The following ATP2C2 variants were observed in gnomAD, a reference collection of about 807,000 sequenced individuals.
The protein encoded by ATP2C2 is calcium-transporting ATPase type 2C member 2.
In ATP2C2, 171 loss-of-function variants were observed where a neutral mutation model predicts 110.8. The observed-to-expected ratio is 1.54, with a 90% confidence interval of 1.36 to 1.75. The LOEUF is 1.75. ATP2C2 is among the 40% of genes most tolerant of loss of function. ATP2C2 has a pLI of 0.00. For synonymous variants in ATP2C2, 804 were observed against 508.4 expected (o/e 1.58, Z -7.82); for missense variants, 1,963 against 1,235.0 (o/e 1.59, Z -8.84).
In ATP2C2 at chr16:84,395,241, A is replaced by G. The variant is rs969871484; in HGVS notation, c.100-3258A>G. On this transcript the variant is annotated intron_variant, in intron 1 of 26. Transcript: ENST00000262429. Reference sequence around the variant, plus strand: ...GACTCTGCCCCTGCAGTCACAAAACACAGGGGAGTGAGGGAGGTCTCTGCA... The same window carrying G: ...GACTCTGCCCCTGCAGTCACAAAACGCAGGGGAGTGAGGGAGGTCTCTGCA... Among the ~76,000 whole-genome samples, 51 of 151,930 alleles carry G rather than the reference A, an allele frequency of 3.4e-4. 1 individual carries two copies. Among genetic ancestry groups the G allele is most frequent in the African/African-American group, 1.2e-3 (48 of 41,246 alleles).
At chr16:84,380,601 G>A (rs984717779) in intron 1 of ATP2C2, among the ~76,000 whole-genome samples, 2 of 152,158 alleles carry the variant, frequency 1.3e-5, no homozygotes, top group Admixed American at 6.5e-5. Flanking sequence ...TTCTGCGCAA[G>A]TCTAGAGAGG....
rs865800559 is a variant in ATP2C2 at position 84,427,712 on chromosome 16, G to C, written c.986+1911G>C. 2.0e-4 allele frequency among the ~76,000 whole-genome samples: 30 copies of C among 152,066 alleles called. 1 individual carries two copies. Among genetic ancestry groups the C allele is most frequent in the African/African-American group, 7.0e-4 (29 of 41,416 alleles). ...AGCCTGGGTGACAGAGCAAGAGACT[G>C]TCTGAAAAAAGAAACAAACCAAAAC... On this transcript the variant is annotated intron_variant, in intron 11 of 26. Coordinates refer to ENST00000262429, the MANE Select transcript of ATP2C2 (RefSeq NM_014861.4).
In ATP2C2 at chr16:84,439,197, C is replaced by T. The variant is rs1370162875; in HGVS notation, c.1018C>T (p.Pro340Ser). ...LAVAAIPEGL[P>S]IVVMVTLVLG... The stretch of plus-strand genomic sequence containing the variant: ...TGTGGCGGCCATTCCAGAGGGTCTG[C>T]CCATCGTCGTCATGGTGACGCTGGT... Residue 340 changes from proline (P) to serine (S), a missense_variant, in exon 12 of 27, where the codon CCC (proline) becomes TCC (serine). Pro to Ser is a moderately conservative substitution (Grantham distance 74). Transcript: ENST00000262429. The T allele has an allele frequency of 1.3e-5, 21 of 1,612,122 alleles. No homozygotes were observed. The highest frequency in any genetic ancestry group is 1.7e-5 in the Non-Finnish European group (20 of 1,180,040).
chr16:84,428,393 A>C (rs925376030), intron 11 of ATP2C2, among the ~76,000 whole-genome samples: 1 of 152,268 alleles, frequency 6.6e-6, no homozygotes, highest in Non-Finnish European at 1.5e-5. Context: ...TGGTAAAATC[A>C]ACATGTGGGC....
intron 23 of ATP2C2, chr16:84,460,262 G>C (rs1158009095): frequency 3.4e-6 from 1 of 293,438 alleles, no homozygotes; most frequent in East Asian, 9.1e-5. Context: ...CTGCTGTGTG[G>C]AGTTGGCTGG....
chr16:84,453,108 A>G, intron 18 of ATP2C2, 30 bp from the exon 19 acceptor site: 1 of 1,577,224 alleles, frequency 6.3e-7, no homozygotes, highest in Non-Finnish European at 8.6e-7. Flanking sequence ...CGGGCCTCAG[A>G]GCAGGCCCTC....
At chr16:84,408,062 A>T (rs1905932756) in intron 3 of ATP2C2, among the ~76,000 whole-genome samples, 2 of 152,204 alleles carry the variant, frequency 1.3e-5, no homozygotes, top group Admixed American at 1.3e-4. Flanking sequence ...GTGGTGAGAG[A>T]GGATCCTTGG....
intron 21 of ATP2C2, among the ~76,000 whole-genome samples, chr16:84,456,306 G>T (rs1434999931): frequency 5.9e-5 from 9 of 151,590 alleles, no homozygotes; most frequent in Non-Finnish European, 5.9e-5. Flanking sequence ...CAATTTCAGA[G>T]CCTGTTATTG....
chr16:84,397,487 C>A (rs938631532), intron 1 of ATP2C2, among the ~76,000 whole-genome samples: 3 of 151,160 alleles, frequency 2.0e-5, no homozygotes, highest in Non-Finnish European at 4.4e-5. Flanking sequence ...TCAGCCTGGG[C>A]AACATAGGGA....
At chr16:84,440,219 A>G (rs1034596785) in intron 13 of ATP2C2, among the ~76,000 whole-genome samples, 1 of 152,172 alleles carries the variant, frequency 6.6e-6, no homozygotes, top group Non-Finnish European at 1.5e-5. Context: ...TGCAGCCTCT[A>G]ACTTCTGGGC....
At chr16:84,456,250 T>A (rs1449879930) in intron 21 of ATP2C2, among the ~76,000 whole-genome samples, 1 of 134,302 alleles carries the variant, frequency 7.4e-6, no homozygotes, top group Non-Finnish European at 1.6e-5. Context: ...TGTGAATCCA[T>A]CTGGTCCTGG....
chr16:84,421,444 G>A (rs1907330288), intron 7 of ATP2C2, among the ~76,000 whole-genome samples: 1 of 152,158 alleles, frequency 6.6e-6, no homozygotes, highest in Admixed American at 6.5e-5. Context: ...AGAAGTCGCA[G>A]GTCCCTGTTT....
intron 11 of ATP2C2, among the ~76,000 whole-genome samples, chr16:84,429,579 T>C (rs1908086331): frequency 6.6e-6 from 1 of 151,824 alleles, no homozygotes; most frequent in African/African-American, 2.4e-5. Context: ...TTGGGGGAGG[T>C]TGTGAACAAG....
At chr16:84,424,018 A>G (rs1184554122) in intron 10 of ATP2C2, among the ~76,000 whole-genome samples, 1 of 152,104 alleles carries the variant, frequency 6.6e-6, no homozygotes, top group Admixed American at 6.5e-5. Context: ...CCTTTATTCC[A>G]GCCTTTAGGA....
chr16:84,452,226 G>A (rs964991070), intron 18 of ATP2C2, 135 bp downstream of exon 18: 71 of 1,100,840 alleles, frequency 6.4e-5, no homozygotes, highest in South Asian at 8.1e-5. Context: ...TAGAAAAGAC[G>A]CTGAGTATTC....
At chr16:84,391,351 C>T (rs1316797333) in intron 1 of ATP2C2, among the ~76,000 whole-genome samples, 2 of 152,214 alleles carry the variant, frequency 1.3e-5, no homozygotes, top group African/African-American at 4.8e-5. Flanking sequence ...TCTCTCGCAT[C>T]TTCTGTGGAC....
chr16:84,432,301 A>G (rs540419488), intron 11 of ATP2C2, among the ~76,000 whole-genome samples: 6 of 151,974 alleles, frequency 3.9e-5, no homozygotes, highest in South Asian at 2.1e-4. Flanking sequence ...AAGTTCTAGG[A>G]TACATGTGCA....
rs1163737555 is a variant in ATP2C2, at chr16:84,422,451, C to T, written c.686C>T (p.Thr229Ile). 4 of 1,613,668 alleles carry T rather than the reference C, an allele frequency of 2.5e-6. No homozygotes were observed. The South Asian group carries it at 3.3e-5, about 13-fold the overall frequency. The change falls in exon 8 of 27, where the codon ACA (threonine) becomes ATA (isoleucine). Residue 229 changes from threonine (T) to isoleucine (I), a missense_variant. By Grantham distance (89) the Thr-to-Ile change is moderately conservative. Coordinates refer to ENST00000262429, the MANE Select transcript of ATP2C2 (RefSeq NM_014861.4). ...GGGGAAGCCGAGCCATGTAGTAAAA[C>T]AGACAGCCCCTTGACAGGCGGTGGG... ...FTGEAEPCSK[T>I]DSPLTGGGDL...
Position 84,404,179 on chromosome 16 carries a change from T to C in ATP2C2, c.211-949T>C, listed in dbSNP as rs1292122137. 2.6e-5 allele frequency among the ~76,000 whole-genome samples: 4 copies of C among 152,240 alleles called. No individual in the cohort carries two copies. The East Asian group carries it at 7.7e-4, about 29-fold the overall frequency. ...ACTCACTGAATCCTATCTTTGGGTT[T>C]TTAGGGAAGCTTCATGACATCATTC... is the stretch of plus-strand genomic sequence containing the variant. On this transcript the variant is annotated intron_variant, in intron 2 of 26. Coordinates refer to ENST00000262429, the MANE Select transcript of ATP2C2 (RefSeq NM_014861.4).
Sources: allele counts gnomAD v4.1 joint callset (sites outside exome capture counted in the v4.1 genomes callset), GRCh38; gene constraint gnomAD v4.1.1; transcripts MANE v1.5; gene names NCBI Gene and HGNC (gene_info 2026-07-23, HGNC 2026-07-21).